The following RAB6A variants were observed in gnomAD, a reference collection of about 807,000 sequenced individuals.
RAB6A encodes the protein RAB6A, member RAS oncogene family, also known as ras-related protein Rab-6A.
Under a neutral mutation model 32.3 loss-of-function variants are expected in RAB6A, and 8 were observed. The observed-to-expected ratio is 0.25, with a 90% CI of 0.15 to 0.45. The LOEUF (loss-of-function observed/expected upper bound fraction) is 0.45, where lower values mean the gene tolerates loss of function less well. Ranked by LOEUF, RAB6A falls within the 20% of genes least tolerant of loss-of-function variation. The probability of loss-of-function intolerance (pLI) is 1.00; values close to 1 mark genes in which losing one functional copy is unlikely to be tolerated. For missense variants in RAB6A, 104 were observed against 249.4 expected, an observed-to-expected ratio of 0.42 and a Z score of 3.93; for synonymous variants, 73 against 82.1, an observed-to-expected ratio of 0.89 and a Z score of 0.60.
intron 6 of RAB6A, among the ~76,000 whole-genome samples, chr11:73,687,430 CATCTTGGCCTCCCA>C (rs1945476885): frequency 6.6e-6 from 1 of 152,230 alleles, no homozygotes; most frequent in African/African-American, 2.4e-5. Context: ...GCAATCCTCT[CATCTTGGCCTCCCA>C]AAATGCTGGG....
chr11:73,757,166 CAG>C (rs1274107263), intron 1 of RAB6A, among the ~76,000 whole-genome samples: 2 of 77,812 alleles, frequency 2.6e-5, no homozygotes, highest in Admixed American at 4.0e-4. Context: ...TTTCTTGAGA[CAG>C]AGTCTCACTC....
intron 5 of RAB6A, among the ~76,000 whole-genome samples, chr11:73,710,980 A>G (rs965186182): frequency 6.6e-6 from 1 of 152,156 alleles, no homozygotes; most frequent in Non-Finnish European, 1.5e-5. Context: ...TACAGGTCCC[A>G]GTCCCTCATT....
intron 1 of RAB6A, among the ~76,000 whole-genome samples, chr11:73,752,065 A>G (rs915868938): frequency 1.3e-5 from 2 of 152,220 alleles, no homozygotes; most frequent in African/African-American, 4.8e-5. Flanking sequence ...GCAGAGATGA[A>G]AAACAATTTA....
chr11:73,743,720 G>A (rs964805196), intron 1 of RAB6A, among the ~76,000 whole-genome samples: 3 of 152,114 alleles, frequency 2.0e-5, no homozygotes, highest in African/African-American at 7.2e-5. Flanking sequence ...AATTACAGAA[G>A]GCTATTCATT....
At chr11:73,735,887 G>T (rs1946384457) in intron 1 of RAB6A, among the ~76,000 whole-genome samples, 1 of 142,588 alleles carries the variant, frequency 7.0e-6, no homozygotes, top group Non-Finnish European at 1.5e-5. Context: ...AGCAGTATTT[G>T]AGGAGGCAGT....
At chr11:73,706,479 A>G (rs1322083191) in intron 6 of RAB6A, among the ~76,000 whole-genome samples, 1 of 151,016 alleles carries the variant, frequency 6.6e-6, no homozygotes, top group Non-Finnish European at 1.5e-5. Flanking sequence ...GCGCCACTGC[A>G]CTCCAGCCTG....
chr11:73,728,364 T>C (rs1213668834), intron 2 of RAB6A, among the ~76,000 whole-genome samples: 1 of 152,196 alleles, frequency 6.6e-6, no homozygotes, highest in African/African-American at 2.4e-5. Context: ...CATGAAACGC[T>C]GCTGGATTTT....
rs556040238 is a variant in RAB6A at position 73,692,279 on chromosome 11, C to T, written c.496-12559G>A. Reference sequence around the variant, plus strand: ...CAGCACTTTGGGAGGCCGAGGTGGGCGGATCATGAGGTCAGGAGATCAAGA... The same window carrying T: ...CAGCACTTTGGGAGGCCGAGGTGGGTGGATCATGAGGTCAGGAGATCAAGA... On this transcript the variant is annotated intron_variant, in intron 6 of 7. Transcript: ENST00000336083. Among the ~76,000 whole-genome samples the T allele has an allele frequency of 2.0e-4, 30 of 150,832 alleles. No individual in the cohort carries two copies. The East Asian group carries it at 4.8e-3, about 24-fold the overall frequency.
chr11:73,732,585 C>CA, intron 1 of RAB6A, among the ~76,000 whole-genome samples: 1 of 152,120 alleles, frequency 6.6e-6, no homozygotes, highest in South Asian at 2.1e-4. Context: ...GACTCTGTCT[C>CA]AAAAAATATA....
chr11:73,751,283 G>T (rs868668), intron 1 of RAB6A, among the ~76,000 whole-genome samples: 2 of 151,856 alleles, frequency 1.3e-5, no homozygotes, highest in African/African-American at 4.8e-5. Context: ...GAAAGACCCC[G>T]TCTCAAAAAA....
chr11:73,723,989 T>C (rs1946179929), intron 2 of RAB6A, among the ~76,000 whole-genome samples: 1 of 152,204 alleles, frequency 6.6e-6, no homozygotes, highest in African/African-American at 2.4e-5. Context: ...CCACAAACTT[T>C]ATGTATGTCA....
chr11:73,695,623 G>T (rs1461472939), intron 6 of RAB6A, among the ~76,000 whole-genome samples: 1 of 151,992 alleles, frequency 6.6e-6, no homozygotes, highest in Non-Finnish European at 1.5e-5. Context: ...CTGATAATCT[G>T]CCCACCTTGG....
At chr11:73,744,060 C>T (rs1021773856) in intron 1 of RAB6A, among the ~76,000 whole-genome samples, 1 of 151,926 alleles carries the variant, frequency 6.6e-6, no homozygotes. Flanking sequence ...TTAAACTGGA[C>T]GGGCGCAGTG....
chr11:73,684,169 T>TG (rs1945403497), intron 6 of RAB6A, among the ~76,000 whole-genome samples: 1 of 14,280 alleles, frequency 7.0e-5, no homozygotes, highest in Admixed American at 1.1e-3. Flanking sequence ...TACATTGTTG[T>TG]TTTTTTTTTT....
At position 73,692,974 on chromosome 11, in the gene RAB6A, CA is replaced by C. The variant is rs1945599349; in HGVS notation, c.496-13255del. On this transcript the variant is annotated intron_variant, in intron 6 of 7. Transcript: ENST00000336083. ...AGACTGTCTCAAAAACAAAACAAAA[CA>C]AAACAAAAAAACAAAAAACAAAAAA... Among the ~76,000 whole-genome samples, 7 of 82,518 alleles carry C rather than the reference CA, an allele frequency of 8.5e-5. No individual in the cohort carries two copies. The South Asian group carries it at 2.5e-3, about 29-fold the overall frequency. 54.1% of individuals were successfully genotyped at this position (82,518 alleles called of 152,430 possible). A position where few individuals can be genotyped will look rare whatever the true frequency, so the allele number is the denominator to read the frequency against.
Position 73,760,772 on chromosome 11 carries a change from C to G in RAB6A, c.-137G>C. The G allele has an allele frequency of 7.8e-7, 1 of 1,274,326 alleles. No individual in the cohort carries two copies. Among genetic ancestry groups the G allele is most frequent in the Non-Finnish European group, 1.1e-6 (1 of 920,608 alleles). 78.9% of individuals were successfully genotyped at this position (1,274,326 alleles called of 1,614,324 possible). A position where few individuals can be genotyped will look rare whatever the true frequency, so the allele number is the denominator to read the frequency against. On this transcript the variant is annotated 5_prime_UTR_variant, in exon 1 of 8. Coordinates refer to ENST00000336083, the MANE Select transcript of RAB6A (RefSeq NM_198896.2). ...GCCCCTGCAAGGCCCGGTGGAGGAG[C>G]CCGGCTGGAGGGCAGCAGGACTCTC...
At chr11:73,682,117 C>T (rs751666978) in intron 6 of RAB6A, among the ~76,000 whole-genome samples, 4 of 151,976 alleles carry the variant, frequency 2.6e-5, no homozygotes, top group Non-Finnish European at 4.4e-5. Flanking sequence ...TAATTATATA[C>T]GGTGGGTCCA....
At chr11:73,689,065 T>C (rs537185773) in intron 6 of RAB6A, among the ~76,000 whole-genome samples, 1 of 151,632 alleles carries the variant, frequency 6.6e-6, no homozygotes, top group East Asian at 1.9e-4. Context: ...GAGGCTGTAG[T>C]GAGCTGTGAT....
intron 6 of RAB6A, among the ~76,000 whole-genome samples, chr11:73,705,725 G>A (rs1020195740): frequency 1.0e-4 from 15 of 149,404 alleles, no homozygotes; most frequent in South Asian, 2.1e-4. Context: ...CACTTACTAC[G>A]TTCCATACAC....
Sources: gnomAD v4.1 joint callset for allele counts (sites outside exome capture counted in the v4.1 genomes callset) on GRCh38, gnomAD v4.1.1 for gene constraint, MANE v1.5 for transcripts, NCBI Gene and HGNC (gene_info 2026-07-23, HGNC 2026-07-21) for gene names.